The following HUWE1 variants were observed in gnomAD, a reference collection of about 807,000 sequenced individuals.
HUWE1 encodes E3 ubiquitin-protein ligase HUWE1.
HUWE1 carries 18 observed loss-of-function variants against 299.4 expected under a neutral mutation model. That is an observed-to-expected ratio of 0.06 (90% CI 0.04 to 0.09). The LOEUF (loss-of-function observed/expected upper bound fraction) is 0.09, where lower values mean the gene tolerates loss of function less well. Among genes scored for constraint, HUWE1 ranks in the 10% least tolerant of loss-of-function variants. The pLI is 1.00. For synonymous variants in HUWE1, 1,317 were observed against 1,286.1 expected, an observed-to-expected ratio of 1.02 and a Z score of -0.51; for missense variants, 1,832 against 3,462.3, an observed-to-expected ratio of 0.53 and a Z score of 11.82.
In HUWE1 at chrX:53,638,213, G is replaced by A. The variant is rs782327300; in HGVS notation, c.505-3915C>T. On this transcript the variant is annotated intron_variant, in intron 7 of 83. Transcript: ENST00000262854. ...AAATTAGCCGGGCATGGTGACGGGC[G>A]CCTGTAGTCCCAGCTACTTGGGAGG... Among the ~76,000 whole-genome samples, 6 of 111,398 alleles carry A rather than the reference G, an allele frequency of 5.4e-5. No homozygotes were observed. The South Asian group carries it at 1.1e-3, about 21-fold the overall frequency.
intron 22 of HUWE1, 30 bp downstream of exon 22, chrX:53,615,714 G>A (rs1409331108): frequency 6.3e-6 from 7 of 1,114,571 alleles, no homozygotes; most frequent in Admixed American, 2.2e-5. Context: ...GCTCTCTCAT[G>A]CTCATGGTCA....
chrX:53,644,621 A>T (rs1398831052), intron 7 of HUWE1, among the ~76,000 whole-genome samples: 1 of 112,480 alleles, frequency 8.9e-6, no homozygotes, highest in Non-Finnish European at 1.9e-5. Flanking sequence ...ATAATTATAC[A>T]AAACTAATTT....
At chrX:53,658,343 A>G (rs2068844377) in intron 3 of HUWE1, among the ~76,000 whole-genome samples, 1 of 111,749 alleles carries the variant, frequency 8.9e-6, no homozygotes, top group African/African-American at 3.3e-5. Context: ...TCAACAAGTT[A>G]TATGAATACT....
intron 9 of HUWE1, 187 bp from the exon 10 acceptor site, chrX:53,631,801 C>CCTAAGAAT: frequency 2.3e-6 from 1 of 437,770 alleles, no homozygotes; most frequent in Non-Finnish European, 4.0e-6. Context: ...GTAGAATATT[C>CCTAAGAAT]TTAGGAAAGC....
chrX:53,671,894 A>T (rs2069565204), intron 3 of HUWE1, among the ~76,000 whole-genome samples: 2 of 110,647 alleles, frequency 1.8e-5, no homozygotes, highest in Non-Finnish European at 3.8e-5. Context: ...TACCATTTCT[A>T]TACTAGTTTG....
chrX:53,534,063 C>T lies in HUWE1; in HGVS notation c.12966G>A (p.Lys4322=), dbSNP rs2060890740. 1.7e-6 allele frequency: 2 copies of T among 1,209,803 alleles called. No homozygotes were observed. The highest frequency in any genetic ancestry group is 1.7e-5 in the African/African-American group (1 of 57,231). The change falls in exon 83 of 84, where the codon AAG becomes AAA. Residue 4322 remains lysine (K), a synonymous_variant. Coordinates refer to ENST00000262854, the MANE Select transcript of HUWE1 (RefSeq NM_031407.7). The part of the protein sequence containing the change: ...AALEGMNGIQ[K]FQIHRDDRST... Reference sequence around the variant, plus strand: ...ACCTGTCATCTCGATGGATCTGAAACTTCTGAATGCCATTCATGCCTTCGA... The same window carrying T: ...ACCTGTCATCTCGATGGATCTGAAATTTCTGAATGCCATTCATGCCTTCGA...
At chrX:53,581,318 C>T (rs1206938973) in intron 42 of HUWE1, among the ~76,000 whole-genome samples, 1 of 112,127 alleles carries the variant, frequency 8.9e-6, no homozygotes, top group Non-Finnish European at 1.9e-5. Flanking sequence ...AGCTCCTGAG[C>T]CTCTCCAAAT....
chrX:53,533,855 A>T, intron 83 of HUWE1, 152 bp downstream of exon 83: 1 of 547,742 alleles, frequency 1.8e-6, no homozygotes, highest in Admixed American at 2.6e-5. Flanking sequence ...CTCATCTCAA[A>T]CATCACCTCC....
At chrX:53,648,523 T>TAAA (rs1557037695) in intron 4 of HUWE1, among the ~76,000 whole-genome samples, 2 of 86,988 alleles carry the variant, frequency 2.3e-5, no homozygotes, top group African/African-American at 1.7e-4. Context: ...CACCTGGGCT[T>TAAA]AAAAAACAAA....
chrX:53,553,360 T>C (rs1355627543), intron 61 of HUWE1, among the ~76,000 whole-genome samples: 2 of 108,274 alleles, frequency 1.8e-5, no homozygotes, highest in African/African-American at 6.7e-5. Context: ...GCCAGGCTGA[T>C]CTTGAATTCC....
chrX:53,552,982 G>A, intron 61 of HUWE1, 89 bp from the exon 62 acceptor site: 1 of 1,005,308 alleles, frequency 9.9e-7, no homozygotes. Context: ...TGCTTCCTTA[G>A]GGGCATCTCA....
rs782492000 is a variant in HUWE1, at chrX:53,588,391, T to C, written c.4605A>G (p.Leu1535=). The stretch of plus-strand genomic sequence containing the variant: ...AAGATCTAAATCTTACCTCAAAAAG[T>C]AGCGTTAAAAGCAAGATTCTAGTAG... The part of the protein sequence containing the change: ...NLATRILLLT[L]LFEELKLPCA... Residue 1535 remains leucine, a synonymous_variant, in exon 37 of 84, where the codon CTA becomes CTG. Transcript: ENST00000262854. The C allele has an allele frequency of 5.0e-6, 6 of 1,209,334 alleles. No homozygotes were observed. Among genetic ancestry groups the C allele is most frequent in the Admixed American group, 4.4e-5 (2 of 45,957 alleles).
At chrX:53,670,470 T>A (rs1285353752) in intron 3 of HUWE1, among the ~76,000 whole-genome samples, 2 of 111,626 alleles carry the variant, frequency 1.8e-5, no homozygotes, top group African/African-American at 6.5e-5. Context: ...TTGATATGGA[T>A]AATAGGAAAT....
At chrX:53,602,807 T>C in intron 27 of HUWE1, 149 bp from the exon 28 acceptor site, 1 of 359,371 alleles carries the variant, frequency 2.8e-6, no homozygotes, top group East Asian at 4.4e-5. Flanking sequence ...AAAGCATCTA[T>C]AATTCCTGAG....
intron 15 of HUWE1, 143 bp from the exon 16 acceptor site, chrX:53,628,022 T>A: frequency 1.9e-6 from 1 of 530,401 alleles, no homozygotes; most frequent in Non-Finnish European, 3.2e-6. Context: ...TTTTGGTGCC[T>A]GCCAAATGAC....
intron 19 of HUWE1, among the ~76,000 whole-genome samples, chrX:53,624,063 G>A (rs182921022): frequency 8.9e-6 from 1 of 112,480 alleles, no homozygotes; most frequent in African/African-American, 3.2e-5. Context: ...ACTGAATTCT[G>A]ACCTTTATTT....
Position 53,570,348 on chromosome X carries a change from G to T in HUWE1, c.6313-521C>A, listed in dbSNP as rs782717450. On this transcript the variant is annotated intron_variant, in intron 47 of 83. Coordinates refer to ENST00000262854, the MANE Select transcript of HUWE1 (RefSeq NM_031407.7). ...TTACAGCAAATCTATAAATAGATAA[G>T]TATTTTCTCATTTGATAAGCGGTAA... is the stretch of plus-strand genomic sequence containing the variant. Among the ~76,000 whole-genome samples the T allele has an allele frequency of 3.5e-5, 4 of 112,853 alleles. No individual in the cohort carries two copies. In the East Asian group the frequency reaches 1.1e-3, roughly 31 times the overall value.
intron 47 of HUWE1, among the ~76,000 whole-genome samples, chrX:53,570,454 T>G (rs782537744): frequency 8.9e-6 from 1 of 112,579 alleles, no homozygotes; most frequent in African/African-American, 3.2e-5. Flanking sequence ...CTTAATTAAG[T>G]GCTATAAACC....
At position 53,625,191 on chromosome X, in the gene HUWE1, G is replaced by A; in HGVS notation, c.1557C>T (p.Ile519=). The change falls in exon 18 of 84, where the codon ATC becomes ATT. Residue 519 remains isoleucine (I), a synonymous_variant. Transcript: ENST00000262854. The part of the protein sequence containing the change: ...KSMLNFLKKA[I]QDPAFSDGIR... ...TGCCATCTGAGAAAGCAGGGTCTTG[G>A]ATGGCCTTCTTGAGGAAATTCAACA... 2.5e-6 allele frequency: 3 copies of A among 1,204,855 alleles called. No homozygotes were observed. The highest frequency in any genetic ancestry group is 3.4e-6 in the Non-Finnish European group (3 of 889,176).
Sources: gnomAD v4.1 joint callset for allele counts (sites outside exome capture counted in the v4.1 genomes callset) on GRCh38, gnomAD v4.1.1 for gene constraint, MANE v1.5 for transcripts, NCBI Gene and HGNC (gene_info 2026-07-23, HGNC 2026-07-21) for gene names.